The following OSBPL11 variants were observed in gnomAD, a reference collection of about 807,000 sequenced individuals.
OSBPL11 encodes the protein oxysterol binding protein like 11, also known as oxysterol-binding protein-related protein 11.
OSBPL11 carries 33 observed loss-of-function variants against 84.4 expected under a neutral mutation model. That is an observed-to-expected ratio of 0.39 (90% CI 0.30 to 0.52). The LOEUF (loss-of-function observed/expected upper bound fraction) is 0.52. OSBPL11 is among the 20% of genes least tolerant of loss of function. The pLI is 0.72. For synonymous variants in OSBPL11, 276 were observed against 310.2 expected (o/e 0.89, Z 1.16); for missense variants, 736 against 901.1 (o/e 0.82, Z 2.35).
chr3:125,565,276 A>G (rs1034377212), intron 6 of OSBPL11, among the ~76,000 whole-genome samples: 1 of 152,128 alleles, frequency 6.6e-6, no homozygotes, highest in Non-Finnish European at 1.5e-5. Context: ...TGTCTTAAAA[A>G]TAAGCAAATA....
In OSBPL11 at chr3:125,552,255, A is replaced by G. The variant is rs1935922933; in HGVS notation, c.1580T>C (p.Met527Thr). ...AGTCCAGACATGCGCATTTACACAC[A>G]TCTTCCTCTCTGTACATTCTGCATA... Reference protein sequence around the residue: ...GFYAECTERKMCVNAHVWTKS... With the variant: ...GFYAECTERKTCVNAHVWTKS... Residue 527 changes from methionine to threonine, a missense_variant, in exon 9 of 13, where the codon ATG (methionine) becomes ACG (threonine). Transcript: ENST00000296220. The G allele has an allele frequency of 1.2e-6, 2 of 1,614,046 alleles. No individual in the cohort carries two copies. Among genetic ancestry groups the G allele is most frequent in the East Asian group, 4.5e-5 (2 of 44,878 alleles).
At chr3:125,551,671 G>A (rs1322041311) in intron 9 of OSBPL11, among the ~76,000 whole-genome samples, 3 of 151,996 alleles carry the variant, frequency 2.0e-5, no homozygotes, top group Non-Finnish European at 4.4e-5. Flanking sequence ...CCAGCTACTC[G>A]TGAGTCTGAG....
chr3:125,549,260 C>G (rs1415195414), intron 9 of OSBPL11, among the ~76,000 whole-genome samples: 1 of 152,114 alleles, frequency 6.6e-6, no homozygotes, highest in Non-Finnish European at 1.5e-5. Context: ...CTGACCTCAG[C>G]TAATCCACCC....
intron 7 of OSBPL11, among the ~76,000 whole-genome samples, chr3:125,562,279 C>A (rs1365815240): frequency 6.6e-6 from 1 of 152,190 alleles, no homozygotes; most frequent in African/African-American, 2.4e-5. Context: ...TAAGTCTCTT[C>A]AGTGAAAAAC....
chr3:125,534,460 A>T (rs531369710), intron 11 of OSBPL11, among the ~76,000 whole-genome samples: 1 of 152,030 alleles, frequency 6.6e-6, no homozygotes, highest in Non-Finnish European at 1.5e-5. Flanking sequence ...ATAAAGAATT[A>T]AAATCATACA....
chr3:125,547,349 G>T (rs1429683900), intron 10 of OSBPL11, 57 bp downstream of exon 10: 13 of 1,427,524 alleles, frequency 9.1e-6, no homozygotes, highest in Non-Finnish European at 1.3e-5. Context: ...ATAAGGAGTT[G>T]TAATACAAAA....
Position 125,594,904 on chromosome 3 carries a change from T to G in OSBPL11, c.-104A>C. The G allele has an allele frequency of 2.0e-4, 245 of 1,223,102 alleles. No homozygotes were observed. The highest frequency in any genetic ancestry group is 6.2e-4 in the Middle Eastern group (3 of 4,876). 75.8% of individuals were successfully genotyped at this position (1,223,102 alleles called of 1,614,324 possible). On this transcript the variant is annotated 5_prime_UTR_variant, in exon 1 of 13. Coordinates refer to ENST00000296220, the MANE Select transcript of OSBPL11 (RefSeq NM_022776.5). The stretch of plus-strand genomic sequence containing the variant: ...AGATTTGATCTGAATATGATACCGG[T>G]TGCTAAATCACACGGCGGCTGGGGC...
chr3:125,592,924 T>G (rs940925903), intron 1 of OSBPL11, among the ~76,000 whole-genome samples: 3 of 152,170 alleles, frequency 2.0e-5, no homozygotes, highest in African/African-American at 7.2e-5. Flanking sequence ...CACATAAGTG[T>G]AAATCTTTGT....
At chr3:125,538,309 A>C in intron 11 of OSBPL11, 142 bp downstream of exon 11, 2 of 685,232 alleles carry the variant, frequency 2.9e-6, no homozygotes, top group Non-Finnish European at 4.8e-6. Context: ...GGGGTTTAAC[A>C]ACAGATCAGA....
intron 2 of OSBPL11, among the ~76,000 whole-genome samples, chr3:125,580,566 A>T (rs1936409478): frequency 6.6e-6 from 1 of 151,930 alleles, no homozygotes; most frequent in Non-Finnish European, 1.5e-5. Flanking sequence ...TAAAAGATAT[A>T]ATAAACCCTT....
At chr3:125,561,283 C>A (rs1419514473) in intron 7 of OSBPL11, among the ~76,000 whole-genome samples, 3 of 152,250 alleles carry the variant, frequency 2.0e-5, no homozygotes, top group Admixed American at 2.0e-4. Context: ...TAGGCATGAG[C>A]CACCACACCC....
intron 5 of OSBPL11, among the ~76,000 whole-genome samples, chr3:125,570,700 T>C (rs1489336530): frequency 6.6e-6 from 1 of 152,094 alleles, no homozygotes; most frequent in East Asian, 1.9e-4. Flanking sequence ...CCTGCACAAG[T>C]TCTCTCTCTT....
intron 11 of OSBPL11, among the ~76,000 whole-genome samples, chr3:125,536,042 T>C (rs182928507): frequency 1.3e-5 from 2 of 149,200 alleles, no homozygotes; most frequent in African/African-American, 5.0e-5. Context: ...GGCTGAGGCA[T>C]GAGAATCGCT....
chr3:125,539,342 T>C (rs940066822), intron 10 of OSBPL11, among the ~76,000 whole-genome samples: 29 of 105,940 alleles, frequency 2.7e-4, no homozygotes, highest in African/African-American at 9.5e-4. Flanking sequence ...TATATATATA[T>C]ATAATAGCTA....
At chr3:125,549,244 G>A (rs1465331299) in intron 9 of OSBPL11, among the ~76,000 whole-genome samples, 1 of 152,068 alleles carries the variant, frequency 6.6e-6, no homozygotes, top group Non-Finnish European at 1.5e-5. Context: ...GGCTGGTCTC[G>A]AACTCCTGAC....
intron 11 of OSBPL11, among the ~76,000 whole-genome samples, chr3:125,535,039 G>A (rs1343608493): frequency 7.1e-6 from 1 of 140,120 alleles, no homozygotes; most frequent in African/African-American, 2.7e-5. Flanking sequence ...AATTCAATGA[G>A]AAAGAAAACA....
Position 125,529,266 on chromosome 3 carries a change from G to A in OSBPL11, c.*1249C>T, listed in dbSNP as rs1266287928. 1 of 152,354 alleles carries A rather than the reference G, an allele frequency of 6.6e-6. No homozygotes were observed. The highest frequency in any genetic ancestry group is 1.5e-5 in the Non-Finnish European group (1 of 67,996). The allele number at this position is 152,354 out of a possible 1,614,324, so 9.4% of individuals were successfully genotyped here. On this transcript the variant is annotated 3_prime_UTR_variant, in exon 13 of 13. Transcript: ENST00000296220. ...GTGTTGAGCACCATAATAAGTAGGT[G>A]CTCAATAAATACATGAATGAATGAT...
chr3:125,552,151 A>G, intron 9 of OSBPL11, 30 bp downstream of exon 9: 1 of 1,200,392 alleles, frequency 8.3e-7, no homozygotes, highest in Non-Finnish European at 1.1e-6. Flanking sequence ...GTATATATAT[A>G]TATATATATA....
chr3:125,535,898 C>T (rs983582170), intron 11 of OSBPL11, among the ~76,000 whole-genome samples: 3 of 151,102 alleles, frequency 2.0e-5, no homozygotes, highest in Non-Finnish European at 2.9e-5. Context: ...TTTGGGAGGC[C>T]GAGGTGGGCG....
Sources: gnomAD v4.1 joint callset for allele counts (sites outside exome capture counted in the v4.1 genomes callset) on GRCh38, gnomAD v4.1.1 for gene constraint, MANE v1.5 for transcripts, NCBI Gene and HGNC (gene_info 2026-07-23, HGNC 2026-07-21) for gene names.